ACAP2: variants seen among roughly 807,000 people sequenced by gnomAD.
ACAP2 encodes the protein arf-GAP with coiled-coil, ANK repeat and PH domain-containing protein 2.
Under a neutral mutation model 115.8 loss-of-function variants are expected in ACAP2, and 39 were observed. That is an observed-to-expected ratio of 0.34 (90% CI 0.26 to 0.44). The LOEUF (loss-of-function observed/expected upper bound fraction) is 0.44, where lower values mean the gene tolerates loss of function less well. Ranked by LOEUF, ACAP2 falls within the 20% of genes least tolerant of loss-of-function variation. The pLI is 1.00. For synonymous variants in ACAP2, 289 were observed against 315.8 expected, an observed-to-expected ratio of 0.92 and a Z score of 0.90; for missense variants, 662 against 927.6, an observed-to-expected ratio of 0.71 and a Z score of 3.72.
chr3:195,324,996 T>C (rs988195751), intron 9 of ACAP2, among the ~76,000 whole-genome samples: 1 of 152,130 alleles, frequency 6.6e-6, no homozygotes, highest in Non-Finnish European at 1.5e-5. Context: ...ACAAATAAGA[T>C]ATGCAAAAGA....
chr3:195,302,816 G>A (rs549964992), intron 13 of ACAP2, among the ~76,000 whole-genome samples: 9 of 152,320 alleles, frequency 5.9e-5, no homozygotes, highest in African/African-American at 2.2e-4. Context: ...GCCGAGAGCG[G>A]TGTCACCCCT....
In ACAP2 at chr3:195,285,860, A is replaced by C; in HGVS notation, c.2175-3T>G. 6.2e-7 allele frequency: 1 copy of C among 1,603,584 alleles called. No individual in the cohort carries two copies. Among genetic ancestry groups the C allele is most frequent in the Non-Finnish European group, 8.5e-7 (1 of 1,173,792 alleles). On this transcript the variant is annotated splice_region_variant and splice_polypyrimidine_tract_variant and intron_variant, in intron 21 of 22. Transcript: ENST00000326793. ...CATTCATTCTTGCTAAACGTAACCT[A>C]AAAATAAATAAAATAGTGTTTTAGA...
At chr3:195,299,248 T>G (rs2108954338) in intron 15 of ACAP2, among the ~76,000 whole-genome samples, 1 of 152,182 alleles carries the variant, frequency 6.6e-6, no homozygotes, top group African/African-American at 2.4e-5. Context: ...ATTTTTCAAT[T>G]ACTGATGCTA....
chr3:195,337,446 CT>C (rs11411412), intron 6 of ACAP2, among the ~76,000 whole-genome samples: 62 of 131,514 alleles, frequency 4.7e-4, no homozygotes, highest in Admixed American at 7.6e-4. Context: ...AACCAGTCAT[CT>C]TTTTTTTTTT....
chr3:195,290,198 G>A (rs918543091), intron 20 of ACAP2, among the ~76,000 whole-genome samples: 2 of 151,662 alleles, frequency 1.3e-5, no homozygotes, highest in Non-Finnish European at 2.9e-5. Flanking sequence ...ATAGCAAAAT[G>A]TCTCTAAAAA....
chr3:195,287,195 T>C (rs1726900147), intron 21 of ACAP2, among the ~76,000 whole-genome samples: 2 of 152,188 alleles, frequency 1.3e-5, no homozygotes, highest in South Asian at 4.1e-4. Flanking sequence ...AAAGAATAAG[T>C]GACGATACAA....
intron 1 of ACAP2, among the ~76,000 whole-genome samples, chr3:195,417,950 AAAAG>A (rs924974349): frequency 2.0e-5 from 3 of 152,196 alleles, no homozygotes; most frequent in African/African-American, 4.8e-5. Flanking sequence ...CAAAAAAAAA[AAAAG>A]ATAGTATCAC....
chr3:195,341,369 G>A (rs1226419045), intron 6 of ACAP2, among the ~76,000 whole-genome samples: 1 of 120,576 alleles, frequency 8.3e-6, no homozygotes, highest in Non-Finnish European at 1.6e-5. Flanking sequence ...CTGTCACCCA[G>A]GCTGGAGTGC....
At chr3:195,302,217 T>C (rs1349729817) in intron 13 of ACAP2, 43 bp from the exon 14 acceptor site, 5 of 1,481,560 alleles carry the variant, frequency 3.4e-6, no homozygotes, top group East Asian at 2.3e-5. Context: ...AAAAAAAAGA[T>C]TGAAATACTT....
chr3:195,331,466 C>T (rs554060484), intron 8 of ACAP2, among the ~76,000 whole-genome samples: 1 of 152,180 alleles, frequency 6.6e-6, no homozygotes, highest in Non-Finnish European at 1.5e-5. Context: ...GCATATGCCA[C>T]CACGCCTGGA....
At chr3:195,292,474 A>T in intron 18 of ACAP2, 22 bp from the exon 19 acceptor site, 2 of 1,564,572 alleles carry the variant, frequency 1.3e-6, no homozygotes, top group South Asian at 1.2e-5. Flanking sequence ...ACACATACAC[A>T]TCAATAAAAA....
At chr3:195,297,163 AG>A (rs771368255) in intron 16 of ACAP2, 26 bp downstream of exon 16, 3 of 1,576,618 alleles carry the variant, frequency 1.9e-6, no homozygotes, top group South Asian at 2.2e-5. Flanking sequence ...ATTCCTAATT[AG>A]GGGGAAAAAA....
intron 4 of ACAP2, among the ~76,000 whole-genome samples, chr3:195,365,618 C>T (rs1417788362): frequency 2.6e-5 from 4 of 151,790 alleles, no homozygotes; most frequent in Non-Finnish European, 4.4e-5. Flanking sequence ...GCACTCTCTT[C>T]TGATGATTCT....
chr3:195,391,989 T>C (rs969502414), intron 2 of ACAP2, 101 bp downstream of exon 2: 7 of 920,940 alleles, frequency 7.6e-6, no homozygotes, highest in Non-Finnish European at 1.2e-5. Context: ...AGTGAGACTC[T>C]GTCTCCAAAA....
At chr3:195,430,314 G>A (rs951603902) in intron 1 of ACAP2, among the ~76,000 whole-genome samples, 3 of 152,174 alleles carry the variant, frequency 2.0e-5, no homozygotes, top group African/African-American at 4.8e-5. Flanking sequence ...TTTTTCTGAT[G>A]TGATAATGGT....
At chr3:195,354,284 T>C (rs938918629) in intron 4 of ACAP2, among the ~76,000 whole-genome samples, 2 of 152,244 alleles carry the variant, frequency 1.3e-5, no homozygotes, top group East Asian at 3.8e-4. Context: ...TTTGCTGTTG[T>C]GAATAGTGCT....
At chr3:195,440,681 T>C (rs1424961542) in intron 1 of ACAP2, among the ~76,000 whole-genome samples, 2 of 152,178 alleles carry the variant, frequency 1.3e-5, no homozygotes, top group African/African-American at 4.8e-5. Context: ...ACATACAACA[T>C]GTGAATGAAG....
chr3:195,297,089 G>T, intron 16 of ACAP2, 101 bp downstream of exon 16: 1 of 993,838 alleles, frequency 1.0e-6, no homozygotes, highest in Non-Finnish European at 1.5e-6. Context: ...GGTAATGACT[G>T]CTTCTAAACA....
At chr3:195,429,816 A>G (rs1419555749) in intron 1 of ACAP2, among the ~76,000 whole-genome samples, 1 of 152,164 alleles carries the variant, frequency 6.6e-6, no homozygotes. Flanking sequence ...TTCTCCTAAG[A>G]GATTTATAGT....
Sources: allele counts gnomAD v4.1 joint callset (sites outside exome capture counted in the v4.1 genomes callset), GRCh38; gene constraint gnomAD v4.1.1; transcripts MANE v1.5; gene names NCBI Gene and HGNC (gene_info 2026-07-23, HGNC 2026-07-21).